Variants in FLACC1 observed in about 807,000 individuals in gnomAD.
FLACC1 encodes the protein flagellum associated containing coiled-coil domains 1.
A neutral mutation model predicts 62.8 loss-of-function variants in FLACC1; 66 were observed. The ratio of observed to expected loss-of-function variants is 1.05; its 90% confidence interval spans 0.86 to 1.29. The LOEUF is 1.29. Among genes scored for constraint, FLACC1 ranks in the 50% most tolerant of loss-of-function variants. FLACC1 has a pLI of 0.00. For synonymous variants in FLACC1, 156 were observed against 161.0 expected (o/e 0.97, Z 0.24); for missense variants, 452 against 489.1 (o/e 0.92, Z 0.71).
chr2:201,301,522 G>A (rs892682771), intron 11 of FLACC1, among the ~76,000 whole-genome samples: 3 of 152,192 alleles, frequency 2.0e-5, no homozygotes, highest in Non-Finnish European at 4.4e-5. Context: ...ATATTATCCA[G>A]GAGAACTTCC....
chr2:201,348,251 C>G lies in FLACC1; in HGVS notation c.234+3G>C. 1.9e-6 allele frequency: 3 copies of G among 1,612,844 alleles called. No homozygotes were observed. Among genetic ancestry groups the G allele is most frequent in the Non-Finnish European group, 2.5e-6 (3 of 1,179,690 alleles). ...CCCACCGCCCTCTCCTGCCTTTACT[C>G]ACATAAAATGATTTATTAGTCTCTT... On this transcript the variant is annotated splice_donor_region_variant and intron_variant, in intron 4 of 14. Transcript: ENST00000392257.
intron 11 of FLACC1, 45 bp downstream of exon 11, chr2:201,307,474 C>G: frequency 3.4e-6 from 5 of 1,454,700 alleles, no homozygotes; most frequent in Non-Finnish European, 3.9e-6. Context: ...GGGTGTACCA[C>G]CTGGACTACC....
At chr2:201,362,482 G>A in the FLACC1 span, among the ~76,000 whole-genome samples, 1 of 152,152 alleles carries the variant, frequency 6.6e-6, no homozygotes, top group South Asian at 2.1e-4. Context: ...GGACACCCCA[G>A]ATGCCAGGGA....
At chr2:201,301,065 T>G (rs540607216) in intron 11 of FLACC1, among the ~76,000 whole-genome samples, 5 of 152,166 alleles carry the variant, frequency 3.3e-5, no homozygotes, top group South Asian at 4.1e-4. Context: ...GGAACAAAGC[T>G]GGACAGAGAA....
chr2:201,355,109 AC>A (rs1458538706), intron 1 of FLACC1, among the ~76,000 whole-genome samples: 1 of 151,968 alleles, frequency 6.6e-6, no homozygotes, highest in Admixed American at 6.6e-5. Flanking sequence ...ACAGGGCGAA[AC>A]CCCGTCTCTA....
intron 1 of FLACC1, among the ~76,000 whole-genome samples, chr2:201,355,531 T>C (rs564474815): frequency 1.3e-5 from 2 of 151,538 alleles, no homozygotes; most frequent in Non-Finnish European, 2.9e-5. Flanking sequence ...ATAAACAATG[T>C]CTTGGTATAT....
chr2:201,300,716 G>A (rs561121715), intron 11 of FLACC1, among the ~76,000 whole-genome samples: 1 of 151,780 alleles, frequency 6.6e-6, no homozygotes, highest in Non-Finnish European at 1.5e-5. Flanking sequence ...GTGCCCCTCT[G>A]AGATGAAGCT....
intron 12 of FLACC1, 144 bp downstream of exon 12, chr2:201,299,092 ATT>A: frequency 1.4e-6 from 1 of 739,368 alleles, no homozygotes; most frequent in Non-Finnish European, 2.2e-6. Context: ...TTTTTAACTT[ATT>A]GAATCCAGTA....
At chr2:201,357,629 G>C (rs990396447), upstream of FLACC1, among the ~76,000 whole-genome samples, 5 of 152,156 alleles carry the variant, frequency 3.3e-5, no homozygotes, top group Non-Finnish European at 7.3e-5. Context: ...AGGCTTCATT[G>C]GTCTATGGCA....
chr2:201,313,824 C>T (rs536653515), intron 9 of FLACC1, among the ~76,000 whole-genome samples: 1 of 152,304 alleles, frequency 6.6e-6, no homozygotes, highest in African/African-American at 2.4e-5. Flanking sequence ...TCCCCTGCTA[C>T]CTCTACCAGA....
chr2:201,310,221 C>G (rs775260172), intron 9 of FLACC1, among the ~76,000 whole-genome samples: 1 of 151,168 alleles, frequency 6.6e-6, no homozygotes, highest in Non-Finnish European at 1.5e-5. Context: ...ACCACTCACA[C>G]GTCTTAGGCT....
chr2:201,360,319 G>A (rs891083296), upstream of FLACC1, among the ~76,000 whole-genome samples: 8 of 152,148 alleles, frequency 5.3e-5, no homozygotes, highest in Non-Finnish European at 2.9e-5. Flanking sequence ...ATGAATGAGA[G>A]AAACTGCAAC....
rs1301600145 is a variant in FLACC1, at chr2:201,330,778, C to T, written c.580G>A (p.Ala194Thr). The change falls in exon 8 of 15, where the codon GCA (alanine) becomes ACA (threonine). Residue 194 changes from alanine to threonine, a missense_variant. Coordinates refer to ENST00000392257, the MANE Select transcript of FLACC1 (RefSeq NM_001127391.3). ...ELSELENNYK[A>T]ALKAEKLAAQ... ...GCCAACTTCTCTGCCTTCAAGGCTG[C>T]TTTGTAGTTGTTCTCCAACTCACTG... The T allele has an allele frequency of 3.1e-6, 5 of 1,613,802 alleles. No homozygotes were observed. Among genetic ancestry groups the T allele is most frequent in the Non-Finnish European group, 1.7e-6 (2 of 1,180,012 alleles).
In FLACC1 at chr2:201,331,641, A is replaced by G. The variant is rs1331736331; in HGVS notation, c.525-808T>C. Among the ~76,000 whole-genome samples, 5 of 152,240 alleles carry G rather than the reference A, an allele frequency of 3.3e-5. No individual in the cohort carries two copies. The East Asian group carries it at 9.6e-4, about 29-fold the overall frequency. On this transcript the variant is annotated intron_variant, in intron 7 of 14. Transcript: ENST00000392257. ...TAGGGTATGATTCCAACTATATGAC[A>G]TTCTGAAAAAGGTCAAACTATGGAG... is the stretch of plus-strand genomic sequence containing the variant.
rs535800560 is a variant in FLACC1 at position 201,303,054 on chromosome 2, A to G, written c.880-3754T>C. Among the ~76,000 whole-genome samples, 25 of 152,252 alleles carry G rather than the reference A, an allele frequency of 1.6e-4. 1 individual carries two copies. The East Asian group carries it at 4.8e-3, about 29-fold the overall frequency. ...GCAAGGGCAAACACATTCAAAAGCT[A>G]GCAGAAGGCAAGAAATAACTAAGAT... On this transcript the variant is annotated intron_variant, in intron 11 of 14. Transcript: ENST00000392257.
rs549704316 is a variant in FLACC1, at chr2:201,347,381, A to G, written c.235-706T>C. On this transcript the variant is annotated intron_variant, in intron 4 of 14. Transcript: ENST00000392257. ...TGCCTGACGGCCCCAGGCCACCATC[A>G]TCTTTCTCTTGGGCTCTGGCCTCTC... Among the ~76,000 whole-genome samples the G allele has an allele frequency of 1.0e-3, 158 of 152,096 alleles. 1 individual carries two copies. Among genetic ancestry groups the G allele is most frequent in the Middle Eastern group, 6.8e-3 (2 of 294 alleles).
chr2:201,342,580 T>A, intron 6 of FLACC1, 149 bp from the exon 7 acceptor site: 1 of 687,108 alleles, frequency 1.5e-6, no homozygotes, highest in East Asian at 2.7e-5. Context: ...TCCACTGTGC[T>A]CTGCAGTGCC....
intron 12 of FLACC1, among the ~76,000 whole-genome samples, chr2:201,296,286 G>T (rs568442071): frequency 6.6e-6 from 1 of 151,970 alleles, no homozygotes; most frequent in Non-Finnish European, 1.5e-5. Flanking sequence ...TGATAGACTG[G>T]ATTAAGAAAA....
rs751748746 is a variant in FLACC1, at chr2:201,351,376, G to A, written c.29C>T (p.Thr10Ile). MYPNPLIYC[T>I]CWDPWNLGPR... Reference sequence around the variant, plus strand: ...TCCCAAGTTCCAGGGGTCCCAGCAGGTGCAGTAGATGAGAGGGTTGGGGTA... The same window carrying A: ...TCCCAAGTTCCAGGGGTCCCAGCAGATGCAGTAGATGAGAGGGTTGGGGTA... Residue 10 changes from threonine to isoleucine, a missense_variant, in exon 2 of 15, where the codon ACC becomes ATC. By Grantham distance (89) the Thr-to-Ile change is moderately conservative. This residue lies in a region of FLACC1 where 147 missense variants were observed against 152.7 expected (regional missense o/e 0.96). Transcript: ENST00000392257. 6.2e-7 allele frequency: 1 copy of A among 1,614,090 alleles called. No homozygotes were observed. The highest frequency in any genetic ancestry group is 1.7e-5 in the Admixed American group (1 of 60,022).
Sources: allele counts gnomAD v4.1 joint callset (sites outside exome capture counted in the v4.1 genomes callset), GRCh38; gene constraint gnomAD v4.1.1; regional missense constraint gnomAD v4.1.1; transcripts MANE v1.5; gene names NCBI Gene and HGNC (gene_info 2026-07-23, HGNC 2026-07-21).